The following PACSIN2 variants were observed in gnomAD, a reference collection of about 807,000 sequenced individuals.
PACSIN2 encodes protein kinase C and casein kinase substrate in neurons protein 2.
A neutral mutation model predicts 63.8 loss-of-function variants in PACSIN2; 25 were observed. The observed-to-expected ratio is 0.39, with a 90% CI of 0.29 to 0.55. The LOEUF (loss-of-function observed/expected upper bound fraction) is 0.55, where lower values mean the gene tolerates loss of function less well. Ranked by LOEUF, PACSIN2 falls within the 20% of genes least tolerant of loss-of-function variation. The pLI is 0.62. For synonymous variants in PACSIN2, 255 were observed against 256.2 expected, an observed-to-expected ratio of 1.00 and a Z score of 0.05; for missense variants, 518 against 646.9, an observed-to-expected ratio of 0.80 and a Z score of 2.16.
chr22:42,983,316 CAAA>C (rs1180708676), intron 1 of PACSIN2, among the ~76,000 whole-genome samples: 3 of 63,626 alleles, frequency 4.7e-5, no homozygotes, highest in Non-Finnish European at 6.9e-5. Context: ...GACTCCATCT[CAAA>C]AAAAAAAAAA....
chr22:42,901,374 A>C (rs1413422263), intron 2 of PACSIN2, among the ~76,000 whole-genome samples: 1 of 152,216 alleles, frequency 6.6e-6, no homozygotes, highest in Non-Finnish European at 1.5e-5. Context: ...CTTAATTCCA[A>C]GTCTGCAGTT....
chr22:42,932,529 G>C (rs972867458), intron 1 of PACSIN2, among the ~76,000 whole-genome samples: 1 of 152,180 alleles, frequency 6.6e-6, no homozygotes, highest in African/African-American at 2.4e-5. Flanking sequence ...ATCTTTACAA[G>C]TGAAATGGTG....
At chr22:42,881,169 A>T (rs1929042805) in intron 7 of PACSIN2, among the ~76,000 whole-genome samples, 1 of 152,182 alleles carries the variant, frequency 6.6e-6, no homozygotes, top group Admixed American at 6.5e-5. Context: ...CTTCCTGTTA[A>T]GGGCCATAAA....
rs1283862786 is a variant in PACSIN2, at chr22:42,876,275, T to C, written c.1210A>G (p.Asn404Asp). 6.2e-7 allele frequency: 1 copy of C among 1,614,186 alleles called. No homozygotes were observed. The highest frequency in any genetic ancestry group is 8.5e-7 in the Non-Finnish European group (1 of 1,180,000). The part of the protein sequence containing the change: ...YPTDWSDDES[N>D]NPFSSTDANG... ...GCATCCGTGGAGGAGAAGGGGTTGT[T>C]AGACTCATCGTCTGACCAGTCGGTG... is the stretch of plus-strand genomic sequence containing the variant. The change falls in exon 10 of 11, where the codon AAC (asparagine) becomes GAC (aspartate). Residue 404 changes from asparagine to aspartate, a missense_variant. Physicochemically the swap from Asn to Asp is conservative, Grantham distance 23. Coordinates refer to ENST00000263246, the MANE Select transcript of PACSIN2 (RefSeq NM_001184970.3).
In PACSIN2 at chr22:42,893,317, C is replaced by T. The variant is rs17003405; in HGVS notation, c.217+140G>A. On this transcript the variant is annotated intron_variant, in intron 3 of 10. Coordinates refer to ENST00000263246, the MANE Select transcript of PACSIN2 (RefSeq NM_001184970.3). ...AATGCTCCCCATAAAAATCACACCC[C>T]GCTCTGGAACTGGGAAATGCACTCT... is the stretch of plus-strand genomic sequence containing the variant. 1.6e-3 allele frequency: 1,353 copies of T among 836,056 alleles called. 17 individuals carry two copies. The African/African-American group carries it at 0.021, about 13-fold the overall frequency. The allele number at this position is 836,056 out of a possible 1,614,324, so 51.8% of individuals were successfully genotyped here.
intron 8 of PACSIN2, among the ~76,000 whole-genome samples, chr22:42,878,146 T>A (rs1928787664): frequency 6.6e-6 from 1 of 152,168 alleles, no homozygotes; most frequent in Non-Finnish European, 1.5e-5. Flanking sequence ...GCAGCAACCC[T>A]GGCCAGCCCA....
At chr22:43,008,450 C>G (rs1217094674) in intron 1 of PACSIN2, among the ~76,000 whole-genome samples, 1 of 152,170 alleles carries the variant, frequency 6.6e-6, no homozygotes, top group Non-Finnish European at 1.5e-5. Flanking sequence ...GGGGTTTCAC[C>G]ATATTGGCCA....
intron 3 of PACSIN2, among the ~76,000 whole-genome samples, chr22:42,893,198 AGT>A (rs1318975912): frequency 6.6e-6 from 1 of 152,234 alleles, no homozygotes; most frequent in Admixed American, 6.5e-5. Flanking sequence ...GGCAAGTGCA[AGT>A]GTGTCCTATG....
chr22:42,885,575 G>A (rs4820493), intron 5 of PACSIN2, among the ~76,000 whole-genome samples: 1 of 151,766 alleles, frequency 6.6e-6, no homozygotes, highest in African/African-American at 2.4e-5. Context: ...CCCCAGCTGG[G>A]ACTGAGTCTA....
chr22:42,921,496 G>A (rs1186857199), intron 1 of PACSIN2, among the ~76,000 whole-genome samples: 1 of 152,118 alleles, frequency 6.6e-6, no homozygotes, highest in African/African-American at 2.4e-5. Flanking sequence ...TTAGGGGAAG[G>A]GCCAAGAGGG....
intron 1 of PACSIN2, among the ~76,000 whole-genome samples, chr22:42,923,374 G>GCA (rs1932321115): frequency 6.6e-6 from 1 of 152,152 alleles, no homozygotes; most frequent in African/African-American, 2.4e-5. Flanking sequence ...CCGCAGGCCC[G>GCA]CATCTGCTCA....
intron 1 of PACSIN2, among the ~76,000 whole-genome samples, chr22:43,001,076 C>T (rs1923737038): frequency 1.3e-5 from 2 of 152,248 alleles, no homozygotes; most frequent in Non-Finnish European, 2.9e-5. Context: ...TATGGAATCA[C>T]GTCTTGTGTT....
intron 1 of PACSIN2, among the ~76,000 whole-genome samples, chr22:42,917,855 G>C (rs1221773643): frequency 6.6e-6 from 1 of 151,980 alleles, no homozygotes; most frequent in Non-Finnish European, 1.5e-5. Flanking sequence ...TAACTCCTGG[G>C]CTCAAGGGAT....
intron 2 of PACSIN2, among the ~76,000 whole-genome samples, chr22:42,903,646 C>G (rs1411739425): frequency 6.6e-6 from 1 of 152,214 alleles, no homozygotes; most frequent in Non-Finnish European, 1.5e-5. Context: ...CTGCCTTGAA[C>G]CACAAGCTCA....
At chr22:43,009,969 T>A (rs575644566) in intron 1 of PACSIN2, among the ~76,000 whole-genome samples, 1 of 150,776 alleles carries the variant, frequency 6.6e-6, no homozygotes, top group South Asian at 2.1e-4. Flanking sequence ...TCCCGGGTTC[T>A]AGTGATTCTC....
At chr22:42,997,329 C>A (rs927268368) in intron 1 of PACSIN2, among the ~76,000 whole-genome samples, 1 of 152,064 alleles carries the variant, frequency 6.6e-6, no homozygotes, top group African/African-American at 2.4e-5. Flanking sequence ...GAGGCAGAGG[C>A]GGGCAGATCA....
chr22:42,876,078 CG>C (rs546486922), intron 10 of PACSIN2, 58 bp downstream of exon 10: 601 of 1,451,992 alleles, frequency 4.1e-4, no homozygotes, highest in Admixed American at 7.8e-4. Flanking sequence ...CAAAAAAGAC[CG>C]CCCACAGCCT....
chr22:42,935,628 A>G (rs1034456180), intron 1 of PACSIN2, among the ~76,000 whole-genome samples: 1 of 152,228 alleles, frequency 6.6e-6, no homozygotes, highest in African/African-American at 2.4e-5. Flanking sequence ...CTGAGATTTC[A>G]ATTTGGCTTG....
At chr22:42,892,737 C>T (rs1930001983) in intron 3 of PACSIN2, among the ~76,000 whole-genome samples, 2 of 152,230 alleles carry the variant, frequency 1.3e-5, no homozygotes, top group African/African-American at 4.8e-5. Flanking sequence ...ACCTGGCTTG[C>T]TTGGGACCTG....
Sources: gnomAD v4.1 joint callset for allele counts (sites outside exome capture counted in the v4.1 genomes callset) on GRCh38, gnomAD v4.1.1 for gene constraint, MANE v1.5 for transcripts, NCBI Gene and HGNC (gene_info 2026-07-23, HGNC 2026-07-21) for gene names.